FRMD6: variants seen among roughly 807,000 people sequenced by gnomAD.
FRMD6 encodes FERM domain containing 6.
In FRMD6, 37 loss-of-function variants were observed where a neutral mutation model predicts 73.2. The ratio of observed to expected loss-of-function variants is 0.51; its 90% CI spans 0.39 to 0.66. The LOEUF (loss-of-function observed/expected upper bound fraction) is 0.66. Ranked by LOEUF, FRMD6 falls within the 30% of genes least tolerant of loss-of-function variation. FRMD6 has a pLI of 0.00. For missense variants in FRMD6, 714 were observed against 780.5 expected (o/e 0.91, Z 1.02); for synonymous variants, 273 against 282.2 (o/e 0.97, Z 0.33).
At chr14:51,539,937 G>T (rs1033113678) in intron 1 of FRMD6, among the ~76,000 whole-genome samples, 5 of 152,166 alleles carry the variant, frequency 3.3e-5, no homozygotes, top group Non-Finnish European at 7.4e-5. Flanking sequence ...CCAACCAGCT[G>T]TTCCAGTGAC....
At chr14:51,414,349 TC>T in the FRMD6 span, among the ~76,000 whole-genome samples, 3 of 152,178 alleles carry the variant, frequency 2.0e-5, no homozygotes, top group Admixed American at 6.5e-5. Context: ...AAGGAAGGGA[TC>T]CAGTTTCAGC....
intron 2 of FRMD6, among the ~76,000 whole-genome samples, chr14:51,617,960 T>C (rs536999091): frequency 4.9e-4 from 74 of 152,250 alleles, no homozygotes; most frequent in Middle Eastern, 3.4e-3. Flanking sequence ...AAGTGTTTAA[T>C]GAAAATTTAT....
At chr14:51,722,843 G>A (rs1334887586) in intron 12 of FRMD6, among the ~76,000 whole-genome samples, 1 of 152,166 alleles carries the variant, frequency 6.6e-6, no homozygotes, top group Non-Finnish European at 1.5e-5. Flanking sequence ...TGAATGAAGG[G>A]CCTGACTGAG....
chr14:51,490,827 T>A (rs752357668), intron 1 of FRMD6, among the ~76,000 whole-genome samples: 1 of 152,160 alleles, frequency 6.6e-6, no homozygotes, highest in East Asian at 1.9e-4. Context: ...AATGACACCC[T>A]GTTGAAAATA....
chr14:51,507,628 G>A (rs752755245), intron 1 of FRMD6, among the ~76,000 whole-genome samples: 2 of 152,100 alleles, frequency 1.3e-5, no homozygotes, highest in Admixed American at 1.3e-4. Flanking sequence ...CTTCTGAAGC[G>A]GAGGACCTCC....
At chr14:51,588,501 CA>C (rs1440531303) in intron 2 of FRMD6, among the ~76,000 whole-genome samples, 1 of 152,122 alleles carries the variant, frequency 6.6e-6, no homozygotes, top group Non-Finnish European at 1.5e-5. Flanking sequence ...ATTATAAATA[CA>C]AGGAGCAGAA....
intron 1 of FRMD6, among the ~76,000 whole-genome samples, chr14:51,562,105 G>C (rs1207187010): frequency 6.6e-6 from 1 of 152,214 alleles, no homozygotes; most frequent in Non-Finnish European, 1.5e-5. Context: ...TCCAAGACGA[G>C]TTGAGCGATG....
At chr14:51,557,245 C>CATATAT (rs35072700) in intron 1 of FRMD6, among the ~76,000 whole-genome samples, 5 of 149,884 alleles carry the variant, frequency 3.3e-5, no homozygotes, top group African/African-American at 7.3e-5. Context: ...GAAAATGTGA[C>CATATAT]ATATATATAT....
chr14:51,679,467 G>A (rs954346664), intron 1 of FRMD6, among the ~76,000 whole-genome samples: 65 of 150,764 alleles, frequency 4.3e-4, no homozygotes, highest in African/African-American at 1.6e-3. Flanking sequence ...AGTCATTGAG[G>A]ATCACTTTCA....
At chr14:51,712,751 A>G (rs1897014059) in intron 9 of FRMD6, among the ~76,000 whole-genome samples, 200 bp downstream of exon 9, 1 of 152,238 alleles carries the variant, frequency 6.6e-6, no homozygotes, top group Non-Finnish European at 1.5e-5. Flanking sequence ...ACATATCAGT[A>G]GTGAACTTAA....
chr14:51,413,256 CTCA>C, the FRMD6 span, among the ~76,000 whole-genome samples: 2 of 152,288 alleles, frequency 1.3e-5, no homozygotes, highest in Non-Finnish European at 2.9e-5. Flanking sequence ...GTTTGCTGCA[CTCA>C]TCAACTCGTC....
chr14:51,654,406 G>T (rs1340626466), intron 1 of FRMD6, among the ~76,000 whole-genome samples: 1 of 151,900 alleles, frequency 6.6e-6, no homozygotes, highest in East Asian at 1.9e-4. Flanking sequence ...AGACTGCGTA[G>T]CCTTTTGTGG....
the FRMD6 span, among the ~76,000 whole-genome samples, chr14:51,406,852 A>G: frequency 6.6e-6 from 1 of 152,144 alleles, no homozygotes; most frequent in Non-Finnish European, 1.5e-5. Flanking sequence ...CTTGTTAGAT[A>G]TATTGCTTTA....
At chr14:51,397,855 CAT>C in the FRMD6 span, among the ~76,000 whole-genome samples, 1 of 152,078 alleles carries the variant, frequency 6.6e-6, no homozygotes, top group South Asian at 2.1e-4. Context: ...GTATATGAAA[CAT>C]AAATGAATTT....
intron 2 of FRMD6, among the ~76,000 whole-genome samples, chr14:51,630,082 T>A (rs1891279640): frequency 6.6e-6 from 1 of 152,190 alleles, no homozygotes; most frequent in Non-Finnish European, 1.5e-5. Flanking sequence ...TCATGGCCTA[T>A]GATATTATTT....
intron 1 of FRMD6, among the ~76,000 whole-genome samples, chr14:51,524,627 C>T (rs990247843): frequency 6.6e-6 from 1 of 152,094 alleles, no homozygotes; most frequent in Non-Finnish European, 1.5e-5. Flanking sequence ...GCAAATTGGG[C>T]AGCCCCCTAA....
chr14:51,421,501 A>G, the FRMD6 span, among the ~76,000 whole-genome samples: 1 of 152,222 alleles, frequency 6.6e-6, no homozygotes, highest in Admixed American at 6.5e-5. Context: ...AGGCTTGACA[A>G]TTGTGTCTAG....
At chr14:51,703,933 T>G (rs749318838) in intron 5 of FRMD6, among the ~76,000 whole-genome samples, 45 of 152,106 alleles carry the variant, frequency 3.0e-4, no homozygotes, top group Non-Finnish European at 5.6e-4. Flanking sequence ...AAAAGCATCC[T>G]ATTTGCCAGT....
At chr14:51,442,960 C>A in the FRMD6 span, among the ~76,000 whole-genome samples, 3 of 152,196 alleles carry the variant, frequency 2.0e-5, no homozygotes, top group African/African-American at 7.2e-5. Context: ...GGCCTTATGC[C>A]TGCATGCTTT....
Sources: gnomAD v4.1 joint callset for allele counts (sites outside exome capture counted in the v4.1 genomes callset) on GRCh38, gnomAD v4.1.1 for gene constraint, MANE v1.5 for transcripts, NCBI Gene and HGNC (gene_info 2026-07-23, HGNC 2026-07-21) for gene names.